The following IL10RA variants were observed in gnomAD, a reference collection of about 807,000 sequenced individuals.
IL10RA encodes interleukin 10 receptor subunit alpha, also known as interleukin-10 receptor subunit alpha.
In IL10RA, 18 loss-of-function variants were observed where a neutral mutation model predicts 29.6. The observed-to-expected ratio is 0.61, with a 90% CI of 0.42 to 0.90. The LOEUF (loss-of-function observed/expected upper bound fraction) is 0.90, where lower values mean the gene tolerates loss of function less well. Among genes scored for constraint, IL10RA ranks in the 40% least tolerant of loss-of-function variants. The pLI is 0.00. For synonymous variants in IL10RA, 292 were observed against 294.1 expected (o/e 0.99, Z 0.07); for missense variants, 634 against 716.6 (o/e 0.88, Z 1.32).
Position 117,988,576 on chromosome 11 carries a change from A to G in IL10RA, c.188+74A>G, listed in dbSNP as rs1239906251. On this transcript the variant is annotated intron_variant, in intron 2 of 6. Coordinates refer to ENST00000227752, the MANE Select transcript of IL10RA (RefSeq NM_001558.4). ...TGTCCTCTACTCTCCTAGCATGGGA[A>G]GATACCTGCCTTGTTAATGAAGTGA... The G allele has an allele frequency of 3.2e-6, 5 of 1,563,394 alleles. No homozygotes were observed. In the South Asian group the frequency reaches 4.5e-5, roughly 14 times the overall value.
chr11:117,994,256 C>T (rs901677625), intron 5 of IL10RA, 107 bp downstream of exon 5: 10 of 911,346 alleles, frequency 1.1e-5, no homozygotes, highest in East Asian at 2.6e-5. Flanking sequence ...GTGTTAGGTG[C>T]TGCTTCACAT....
intron 5 of IL10RA, chr11:117,994,352 G>C (rs1484015405): frequency 1.7e-6 from 1 of 579,126 alleles, no homozygotes; most frequent in African/African-American, 1.9e-5. Context: ...CAACTTCCTA[G>C]GGTTGCACAG....
chr11:117,990,962 C>G (rs1229437185), intron 3 of IL10RA, among the ~76,000 whole-genome samples: 1 of 151,948 alleles, frequency 6.6e-6, no homozygotes, highest in East Asian at 1.9e-4. Flanking sequence ...TTTGGGAGGC[C>G]AAGGTGGGTG....
intron 5 of IL10RA, among the ~76,000 whole-genome samples, chr11:117,994,666 C>T (rs2282495): frequency 0.053 from 8,112 of 152,300 alleles, 484 homozygotes; most frequent in East Asian, 0.34. Flanking sequence ...AGGCCACGGT[C>T]TTGCCTAGGA....
chr11:117,986,636 C>A, intron 1 of IL10RA, 102 bp downstream of exon 1: 3 of 1,540,320 alleles, frequency 1.9e-6, no homozygotes, highest in Non-Finnish European at 2.6e-6. Context: ...GGCCCTCTGG[C>A]AGAGCGGTGC....
Position 117,998,754 on chromosome 11 carries a change from C to T in IL10RA, c.850C>T (p.Arg284Cys), listed in dbSNP as rs755029073. Reference protein sequence around the residue: ...KPSPFIFISQRPSPETQDTIH... With the variant: ...KPSPFIFISQCPSPETQDTIH... ...CAGCCCCTTCATCTTCATCAGCCAG[C>T]GTCCCTCCCCAGAGACCCAAGACAC... The change falls in exon 7 of 7, where the codon CGT (arginine) becomes TGT (cysteine). Residue 284 changes from arginine to cysteine, a missense_variant. By Grantham distance (180) the Arg-to-Cys change is radical. Coordinates refer to ENST00000227752, the MANE Select transcript of IL10RA (RefSeq NM_001558.4). 1.4e-5 allele frequency: 22 copies of T among 1,614,166 alleles called. No individual in the cohort carries two copies. The highest frequency in any genetic ancestry group is 5.5e-5 in the South Asian group (5 of 91,080).
At position 117,999,550 on chromosome 11, in the gene IL10RA, G is replaced by T; in HGVS notation, c.1646G>T (p.Gly549Val). 1 of 1,614,182 alleles carries T rather than the reference G, an allele frequency of 6.2e-7. No individual in the cohort carries two copies. The highest frequency in any genetic ancestry group is 8.5e-7 in the Non-Finnish European group (1 of 1,180,032). Reference protein sequence around the residue: ...WSFAHDLAPLGCVAAPGGLLG... With the variant: ...WSFAHDLAPLVCVAAPGGLLG... ...TTTGCCCATGACCTTGCCCCTCTAG[G>T]CTGTGTGGCAGCCCCAGGTGGTCTC... Residue 549 changes from glycine to valine, a missense_variant, in exon 7 of 7, where the codon GGC becomes GTC. By Grantham distance (109) the Gly-to-Val change is moderately radical. Transcript: ENST00000227752.
Position 117,998,803 on chromosome 11 carries a change from C to T in IL10RA, c.899C>T (p.Ala300Val). 2 of 1,614,102 alleles carry T rather than the reference C, an allele frequency of 1.2e-6. No individual in the cohort carries two copies. Among genetic ancestry groups the T allele is most frequent in the Non-Finnish European group, 1.7e-6 (2 of 1,179,992 alleles). ...ACCATCCACCCGCTTGATGAGGAGG[C>T]CTTTTTGAAGGTGTCCCCAGAGCTG... ...QDTIHPLDEE[A>V]FLKVSPELKN... The change falls in exon 7 of 7, where the codon GCC (alanine) becomes GTC (valine). Residue 300 changes from alanine to valine, a missense_variant. By Grantham distance (64) the Ala-to-Val change is moderately conservative. Coordinates refer to ENST00000227752, the MANE Select transcript of IL10RA (RefSeq NM_001558.4).
At chr11:117,992,373 T>A (rs955160026) in intron 3 of IL10RA, among the ~76,000 whole-genome samples, 2 of 152,358 alleles carry the variant, frequency 1.3e-5, no homozygotes, top group Middle Eastern at 6.8e-3. Context: ...TTCCATCTTT[T>A]GGATAATAGC....
Position 117,988,457 on chromosome 11 carries a change from T to C in IL10RA, c.143T>C (p.Ile48Thr), listed in dbSNP as rs766359230. 6.2e-7 allele frequency: 1 copy of C among 1,613,944 alleles called. No homozygotes were observed. The highest frequency in any genetic ancestry group is 1.1e-5 in the South Asian group (1 of 91,068). The change falls in exon 2 of 7, where the codon ATC becomes ACC. Residue 48 changes from isoleucine to threonine, a missense_variant. Physicochemically the swap from Ile to Thr is moderately conservative, Grantham distance 89. Transcript: ENST00000227752. Reference sequence around the variant, plus strand: ...CACCACATCCTCCACTGGACACCCATCCCAAATCAGTCTGAAAGTACCTGC... The same window carrying C: ...CACCACATCCTCCACTGGACACCCACCCCAAATCAGTCTGAAAGTACCTGC... ...FFHHILHWTPIPNQSESTCYE... is the reference protein window; with the variant it reads ...FFHHILHWTPTPNQSESTCYE...
rs557985508 is a variant in IL10RA, at chr11:117,989,571, C to T, written c.318C>T (p.Ser106=). The T allele has an allele frequency of 9.3e-6, 15 of 1,614,148 alleles. No individual in the cohort carries two copies. In the African/African-American group the frequency reaches 1.3e-4, roughly 14 times the overall value. The change falls in exon 3 of 7, where the codon AGC becomes AGT. Residue 106 remains serine (S), a synonymous_variant. Transcript: ENST00000227752. This position sits in a 1 kb window ranked among gnomAD's most constrained non-coding sequence, Gnocchi z 4.5. ...YRARVRAVDG[S]RHSNWTVTNT... The stretch of plus-strand genomic sequence containing the variant: ...CCAGAGTGCGGGCTGTGGACGGCAG[C>T]CGGCACTCCAACTGGACCGTCACCA...
chr11:117,999,970 G>T lies in IL10RA; in HGVS notation c.*329G>T, dbSNP rs1238967159. ...TATCATAAAGGATTATTTGCTCAGGGGAACCATGGGGCTTTCTGGAGTTGT... is the reference window on the plus strand; with the variant it reads ...TATCATAAAGGATTATTTGCTCAGGTGAACCATGGGGCTTTCTGGAGTTGT... On this transcript the variant is annotated 3_prime_UTR_variant, in exon 7 of 7. Transcript: ENST00000227752. 2.0e-6 allele frequency: 1 copy of T among 500,958 alleles called. No individual in the cohort carries two copies. The highest frequency in any genetic ancestry group is 1.5e-5 in the South Asian group (1 of 64,884). 31.0% of individuals were successfully genotyped at this position (500,958 alleles called of 1,614,324 possible).
chr11:117,999,422 G>A lies in IL10RA; in HGVS notation c.1518G>A (p.Leu506=), dbSNP rs187556084. The A allele has an allele frequency of 2.5e-5, 41 of 1,614,210 alleles. No individual in the cohort carries two copies. Among genetic ancestry groups the A allele is most frequent in the Admixed American group, 1.0e-4 (6 of 60,032 alleles). The change falls in exon 7 of 7, where the codon CTG becomes CTA. Residue 506 remains leucine (L), a synonymous_variant. Coordinates refer to ENST00000227752, the MANE Select transcript of IL10RA (RefSeq NM_001558.4). ...YLKQDPLEMT[L]ASSGAPTGQW... is the part of the protein sequence containing the mutation. ...AACAGGATCCTCTAGAAATGACTCT[G>A]GCTTCCTCAGGGGCCCCAACGGGAC...
At chr11:117,995,566 A>G (rs1434478799) in intron 5 of IL10RA, 23 bp from the exon 6 acceptor site, 4 of 1,613,786 alleles carry the variant, frequency 2.5e-6, no homozygotes, top group African/African-American at 1.3e-5. Flanking sequence ...ACAGGCCACA[A>G]ACACATCTCT....
Position 117,999,317 on chromosome 11 carries a change from T to G in IL10RA, c.1413T>G (p.Asp471Glu). The G allele has an allele frequency of 6.2e-7, 1 of 1,614,224 alleles. No homozygotes were observed. The highest frequency in any genetic ancestry group is 8.5e-7 in the Non-Finnish European group (1 of 1,180,036). ...TGGAGGAAGAATCGCCCTTGACAGA[T>G]GGCCTTGGCCCCAAATTCGGGAGAT... is the stretch of plus-strand genomic sequence containing the variant. Reference protein sequence around the residue: ...GCLEEESPLTDGLGPKFGRCL... With the variant: ...GCLEEESPLTEGLGPKFGRCL... The change falls in exon 7 of 7, where the codon GAT becomes GAG. Residue 471 changes from aspartate (D) to glutamate (E), a missense_variant. Transcript: ENST00000227752.
intron 1 of IL10RA, chr11:117,986,877 G>A (rs2057990181): frequency 7.3e-7 from 1 of 1,362,538 alleles, no homozygotes; most frequent in Admixed American, 2.2e-5. Context: ...GTCCCCTTGG[G>A]GAATAATTTT....
At chr11:117,992,166 T>C (rs567598982) in intron 3 of IL10RA, among the ~76,000 whole-genome samples, 10 of 152,356 alleles carry the variant, frequency 6.6e-5, no homozygotes, top group African/African-American at 2.4e-4. Context: ...GAACGGGGGA[T>C]ACAGGTATCT....
At chr11:117,988,342 C>A in intron 1 of IL10RA, 40 bp from the exon 2 acceptor site, 1 of 1,611,868 alleles carries the variant, frequency 6.2e-7, no homozygotes, top group South Asian at 1.1e-5. Flanking sequence ...TCAATGCCTG[C>A]CCCCCCTCCC....
In IL10RA at chr11:117,989,573, G is replaced by A. The variant is rs145949718; in HGVS notation, c.320G>A (p.Arg107Gln). The A allele has an allele frequency of 9.8e-4, 1,589 of 1,614,002 alleles. 2 individuals are homozygous for A. Among genetic ancestry groups the A allele is most frequent in the Non-Finnish European group, 1.3e-3 (1,523 of 1,180,038 alleles). ...RARVRAVDGSRHSNWTVTNTR... is the reference protein window; with the variant it reads ...RARVRAVDGSQHSNWTVTNTR... ...AGAGTGCGGGCTGTGGACGGCAGCC[G>A]GCACTCCAACTGGACCGTCACCAAC... The change falls in exon 3 of 7, where the codon CGG becomes CAG. Residue 107 changes from arginine (R) to glutamine (Q), a missense_variant. Coordinates refer to ENST00000227752, the MANE Select transcript of IL10RA (RefSeq NM_001558.4). This position sits in a 1 kb window ranked among gnomAD's most constrained non-coding sequence, Gnocchi z 4.5.
Sources: gnomAD v4.1 joint callset for allele counts (sites outside exome capture counted in the v4.1 genomes callset) on GRCh38, gnomAD v4.1.1 for gene constraint, Gnocchi (gnomAD v3.1) non-coding constraint, MANE v1.5 for transcripts, NCBI Gene and HGNC (gene_info 2026-07-23, HGNC 2026-07-21) for gene names.